Variants in ROR2 observed in about 807,000 individuals in gnomAD.
The protein encoded by ROR2 is ROR family WNT receptor 2.
ROR2 carries 33 observed loss-of-function variants against 74.9 expected under a neutral mutation model. The observed-to-expected ratio is 0.44, with a 90% CI of 0.33 to 0.59. The LOEUF is 0.59. ROR2 is among the 20% of genes least tolerant of loss of function. The pLI is 0.02. For missense variants in ROR2, 1,216 were observed against 1,313.8 expected, an observed-to-expected ratio of 0.93 and a Z score of 1.15; for synonymous variants, 586 against 558.7, an observed-to-expected ratio of 1.05 and a Z score of -0.69.
At chr9:91,865,337 G>A (rs899734749) in intron 1 of ROR2, among the ~76,000 whole-genome samples, 1 of 152,208 alleles carries the variant, frequency 6.6e-6, no homozygotes, top group Non-Finnish European at 1.5e-5. Flanking sequence ...CCAGATTAGA[G>A]ACACTCAAGG....
intron 1 of ROR2, among the ~76,000 whole-genome samples, chr9:91,915,164 C>A (rs1831096327): frequency 6.6e-6 from 1 of 152,150 alleles, no homozygotes; most frequent in African/African-American, 2.4e-5. Context: ...TTGTCATCCC[C>A]AACATGAGGA....
chr9:91,821,430 T>C (rs1201099720), intron 1 of ROR2, among the ~76,000 whole-genome samples: 1 of 152,218 alleles, frequency 6.6e-6, no homozygotes, highest in Non-Finnish European at 1.5e-5. Flanking sequence ...TTCTGCTGTC[T>C]GTACCCTTCC....
At chr9:91,800,043 T>TA (rs1421609095) in intron 1 of ROR2, among the ~76,000 whole-genome samples, 3 of 152,148 alleles carry the variant, frequency 2.0e-5, no homozygotes, top group Admixed American at 2.0e-4. Flanking sequence ...ATCAGCCTCT[T>TA]AGAGAATAAC....
rs1166138456 is a variant in ROR2 at position 91,757,273 on chromosome 9, C to T, written c.462G>A (p.Leu154=). ...ACACAATTTCACTGTCCAACTCACC[C>T]AGCCGCACAAACAGGACGCCAGTGG... ...ITATGVLFVR[L]GPTHSPNHNF... Residue 154 remains leucine, a splice_region_variant and synonymous_variant, in exon 3 of 9, where the codon CTG becomes CTA. Transcript: ENST00000375708. 1 of 1,613,976 alleles carries T rather than the reference C, an allele frequency of 6.2e-7. No individual in the cohort carries two copies. Among genetic ancestry groups the T allele is most frequent in the South Asian group, 1.1e-5 (1 of 91,060 alleles).
chr9:91,796,063 A>T (rs372284921), intron 1 of ROR2, among the ~76,000 whole-genome samples: 1 of 152,044 alleles, frequency 6.6e-6, no homozygotes, highest in East Asian at 1.9e-4. Context: ...CCAGAGCAAA[A>T]CCTCAAGGGT....
At chr9:91,893,697 T>A (rs1830475926) in intron 1 of ROR2, among the ~76,000 whole-genome samples, 1 of 152,132 alleles carries the variant, frequency 6.6e-6, no homozygotes, top group South Asian at 2.1e-4. Context: ...CAAGACTCCT[T>A]CAACGGCCAG....
chr9:91,929,661 G>A (rs1831499938), intron 1 of ROR2, among the ~76,000 whole-genome samples: 1 of 152,068 alleles, frequency 6.6e-6, no homozygotes, highest in Non-Finnish European at 1.5e-5. Context: ...AATGACAGAG[G>A]ACAGAGCAAA....
chr9:91,733,100 C>T lies in ROR2; in HGVS notation c.937+22G>A, dbSNP rs777359828. On this transcript the variant is annotated intron_variant, in intron 6 of 8. Transcript: ENST00000375708. This position sits in a 1 kb window ranked among gnomAD's most constrained non-coding sequence, Gnocchi z 5.7. ...ACACTCCCTGCGCCCCCCGGTCCCG[C>T]CCCGGGCCCTCGGGCACTCACAGCG... 23 of 1,570,754 alleles carry T rather than the reference C, an allele frequency of 1.5e-5. No homozygotes were observed. Among genetic ancestry groups the T allele is most frequent in the Non-Finnish European group, 2.0e-5 (23 of 1,161,472 alleles).
At chr9:91,901,250 T>A (rs1345441126) in intron 1 of ROR2, among the ~76,000 whole-genome samples, 1 of 152,226 alleles carries the variant, frequency 6.6e-6, no homozygotes, top group Non-Finnish European at 1.5e-5. Flanking sequence ...TTAGACTATC[T>A]CCAACTGTAC....
intron 5 of ROR2, among the ~76,000 whole-genome samples, chr9:91,734,261 G>A (rs1824942871): frequency 6.6e-6 from 1 of 152,114 alleles, no homozygotes; most frequent in Non-Finnish European, 1.5e-5. Flanking sequence ...CCTGCCCTGG[G>A]CTCACTACCC....
intron 1 of ROR2, among the ~76,000 whole-genome samples, chr9:91,888,968 A>G (rs1325117249): frequency 6.8e-6 from 1 of 146,446 alleles, no homozygotes; most frequent in African/African-American, 2.5e-5. Flanking sequence ...TGGCTCTCCC[A>G]TTTTTTCTTT....
intron 1 of ROR2, 75 bp downstream of exon 1, chr9:91,949,792 A>G: frequency 1.1e-6 from 1 of 941,760 alleles, no homozygotes; most frequent in Non-Finnish European, 1.7e-6. Context: ...GGCCGGGAGC[A>G]TAGTGGCGGC....
chr9:91,780,444 C>T (rs1264662361), intron 1 of ROR2, among the ~76,000 whole-genome samples: 1 of 151,944 alleles, frequency 6.6e-6, no homozygotes, highest in African/African-American at 2.4e-5. Context: ...TGAAAACCTT[C>T]TTTCAACACA....
chr9:91,902,893 C>T (rs771571925), intron 1 of ROR2, among the ~76,000 whole-genome samples: 1 of 152,028 alleles, frequency 6.6e-6, no homozygotes, highest in Non-Finnish European at 1.5e-5. Context: ...CTACAAGGTC[C>T]CTAGGGTGGT....
intron 1 of ROR2, among the ~76,000 whole-genome samples, chr9:91,873,079 G>C (rs889623167): frequency 6.6e-6 from 1 of 152,140 alleles, no homozygotes; most frequent in Non-Finnish European, 1.5e-5. Context: ...ATTGGATAAG[G>C]CTTGCTCCAT....
At chr9:91,857,364 C>T (rs901647514) in intron 1 of ROR2, among the ~76,000 whole-genome samples, 1 of 152,220 alleles carries the variant, frequency 6.6e-6, no homozygotes, top group Non-Finnish European at 1.5e-5. Context: ...CACTCCAGGT[C>T]CCAGCTTGGA....
chr9:91,733,168 A>G lies in ROR2; in HGVS notation c.891T>C (p.Ala297=). Residue 297 remains alanine, a synonymous_variant, in exon 6 of 9, where the codon GCT becomes GCC. Transcript: ENST00000375708. The surrounding 1 kb of genome is among the most constrained non-coding windows in gnomAD (Gnocchi z 5.7). ...EALPMPESPD[A]ANCMRIGIPA... ...GGATGCCAATGCGCATGCAGTTGGC[A>G]GCGTCGGGGCTCTCAGGCATGGGCA... 6.2e-7 allele frequency: 1 copy of G among 1,607,254 alleles called. No homozygotes were observed. Among genetic ancestry groups the G allele is most frequent in the Non-Finnish European group, 8.5e-7 (1 of 1,177,972 alleles).
At chr9:91,928,689 A>T (rs957844298) in intron 1 of ROR2, among the ~76,000 whole-genome samples, 2 of 152,214 alleles carry the variant, frequency 1.3e-5, no homozygotes, top group Non-Finnish European at 2.9e-5. Flanking sequence ...CTCCCCTCAC[A>T]GACTGTTTCA....
rs1399781510 is a variant in ROR2 at position 91,723,835 on chromosome 9, C to T, written c.2659G>A (p.Ala887Thr). ...APSNTSMADR[A>T]ALLSEGADDT... ...TCAGCGCCCTCTGAGAGCAGGGCTG[C>T]CCTGTCTGCCATGGATGTGTTGGAG... The change falls in exon 9 of 9, where the codon GCA becomes ACA. Residue 887 changes from alanine to threonine, a missense_variant. Physicochemically the swap from Ala to Thr is moderately conservative, Grantham distance 58. Transcript: ENST00000375708. 6.2e-7 allele frequency: 1 copy of T among 1,613,984 alleles called. No individual in the cohort carries two copies. Among genetic ancestry groups the T allele is most frequent in the Admixed American group, 1.7e-5 (1 of 60,024 alleles).
Sources: gnomAD v4.1 joint callset for allele counts (sites outside exome capture counted in the v4.1 genomes callset) on GRCh38, gnomAD v4.1.1 for gene constraint, Gnocchi (gnomAD v3.1) non-coding constraint, MANE v1.5 for transcripts, NCBI Gene and HGNC (gene_info 2026-07-23, HGNC 2026-07-21) for gene names.